ENDOV: variants seen among roughly 807,000 people sequenced by gnomAD.
ENDOV encodes endonuclease V, also known as hEndoV.
ENDOV carries 37 observed loss-of-function variants against 39.4 expected under a neutral mutation model. That is an observed-to-expected ratio of 0.94 (90% CI 0.72 to 1.23). The LOEUF (loss-of-function observed/expected upper bound fraction) is 1.23. Among genes scored for constraint, ENDOV ranks in the 50% most tolerant of loss-of-function variants. The pLI, the probability that ENDOV is intolerant of heterozygous loss-of-function variation, is 0.00. For missense variants in ENDOV, 441 were observed against 375.7 expected, an observed-to-expected ratio of 1.17 and a Z score of -1.44; for synonymous variants, 186 against 163.4, an observed-to-expected ratio of 1.14 and a Z score of -1.05.
At chr17:80,433,282 A>G in intron 9 of ENDOV, 1 of 513,444 alleles carries the variant, frequency 1.9e-6, no homozygotes, top group Non-Finnish European at 3.9e-6. Flanking sequence ...CCACCAGGTG[A>G]AGTGTGTAAG....
chr17:80,419,071 G>T (rs542397314), intron 2 of ENDOV, among the ~76,000 whole-genome samples: 4 of 151,900 alleles, frequency 2.6e-5, no homozygotes, highest in Non-Finnish European at 4.4e-5. Context: ...TACTCGGGAG[G>T]CTGAGGCAGG....
intron 2 of ENDOV, chr17:80,417,322 C>T (rs2081342948): frequency 1.3e-5 from 2 of 152,274 alleles, no homozygotes; most frequent in African/African-American, 4.8e-5. Context: ...TGGCTAACTA[C>T]TACTCATCTC....
Position 80,429,775 on chromosome 17 carries a change from G to C in ENDOV, c.782G>C (p.Ser261Thr). The C allele has an allele frequency of 1.3e-6, 2 of 1,598,952 alleles. No homozygotes were observed. The highest frequency in any genetic ancestry group is 1.7e-6 in the Non-Finnish European group (2 of 1,175,558). ...CCCTTTCTCAATGTCATCACCAGGA[G>C]CCCGAAGGCGCAGAGGCCAGTGGCA... ...LGLPGPPTPR[S>T]PKAQRPVACP... Residue 261 changes from serine to threonine, a missense_variant and splice_region_variant, in exon 9 of 10, where the codon AGC becomes ACC. Coordinates refer to ENST00000518137, the MANE Select transcript of ENDOV (RefSeq NM_173627.5).
At position 80,415,835 on chromosome 17, in the gene ENDOV, A is replaced by G. The variant is rs1203268994; in HGVS notation, c.228+14A>G. On this transcript the variant is annotated intron_variant, in intron 2 of 9. Coordinates refer to ENST00000518137, the MANE Select transcript of ENDOV (RefSeq NM_173627.5). The stretch of plus-strand genomic sequence containing the variant: ...CCTGAGCTCGAGGTAACCTGGGAGG[A>G]CGCCGAGCTCGAGGCGGGCCCCTCG... 6.3e-7 allele frequency: 1 copy of G among 1,582,190 alleles called. No homozygotes were observed. The highest frequency in any genetic ancestry group is 8.6e-7 in the Non-Finnish European group (1 of 1,164,540).
chr17:80,431,317 C>G (rs898771053), intron 9 of ENDOV, among the ~76,000 whole-genome samples: 1 of 152,192 alleles, frequency 6.6e-6, no homozygotes, highest in African/African-American at 2.4e-5. Flanking sequence ...TCGAAAGCTG[C>G]TTTGGAGGGC....
intron 9 of ENDOV, among the ~76,000 whole-genome samples, chr17:80,431,431 C>T (rs1320162268): frequency 6.6e-6 from 1 of 152,188 alleles, no homozygotes; most frequent in Non-Finnish European, 1.5e-5. Context: ...GAAGTAGACT[C>T]ACTCCAGGAC....
intron 5 of ENDOV, among the ~76,000 whole-genome samples, chr17:80,424,687 G>C (rs1599392944): frequency 6.6e-6 from 1 of 152,348 alleles, no homozygotes; most frequent in South Asian, 2.1e-4. Context: ...CGGTTGCGGT[G>C]GCTCACTCCT....
chr17:80,432,855 C>T (rs184078391), intron 9 of ENDOV, among the ~76,000 whole-genome samples: 25 of 152,240 alleles, frequency 1.6e-4, no homozygotes, highest in Admixed American at 1.5e-3. Flanking sequence ...TTCCACCTCC[C>T]CGAGGGCACT....
chr17:80,427,527 G>A (rs895961773), intron 7 of ENDOV: 32 of 1,050,768 alleles, frequency 3.0e-5, no homozygotes, highest in Middle Eastern at 2.7e-4. Flanking sequence ...AAGGAAAGCC[G>A]CAACCAGTTG....
chr17:80,419,090 G>A (rs1031094322), intron 2 of ENDOV, among the ~76,000 whole-genome samples: 4 of 150,902 alleles, frequency 2.7e-5, no homozygotes, highest in South Asian at 2.1e-4. Flanking sequence ...GGAGAATGGC[G>A]TGAACCTGGG....
intron 5 of ENDOV, 129 bp downstream of exon 5, chr17:80,423,761 C>A: frequency 1.1e-6 from 1 of 877,274 alleles, no homozygotes; most frequent in Non-Finnish European, 1.7e-6. Context: ...TGGCTTGTGG[C>A]CTGGAGTAAG....
At position 80,421,814 on chromosome 17, in the gene ENDOV, G is replaced by T; in HGVS notation, c.229-14G>T. On this transcript the variant is annotated splice_polypyrimidine_tract_variant and intron_variant, in intron 2 of 9. Transcript: ENST00000518137. ...AAGGCTGTGCTTCCCACTGAGCTGCGTGCCTGGTGTCAGGTGGTGTATGAG... is the reference window on the plus strand; with the variant it reads ...AAGGCTGTGCTTCCCACTGAGCTGCTTGCCTGGTGTCAGGTGGTGTATGAG... The T allele has an allele frequency of 6.3e-7, 1 of 1,588,616 alleles. No individual in the cohort carries two copies.
At chr17:80,425,342 G>T in intron 6 of ENDOV, 150 bp from the exon 7 acceptor site, 1 of 1,213,904 alleles carries the variant, frequency 8.2e-7, no homozygotes, top group Non-Finnish European at 1.1e-6. Flanking sequence ...GCGCCCTGAG[G>T]GTGGGCAGGC....
intron 1 of ENDOV, 129 bp from the exon 2 acceptor site, chr17:80,415,521 A>C: frequency 1.6e-6 from 2 of 1,237,640 alleles, no homozygotes. Flanking sequence ...CCTCGGCGGT[A>C]TGTCCCTTGC....
intron 9 of ENDOV, among the ~76,000 whole-genome samples, 198 bp from the exon 10 acceptor site, chr17:80,435,935 T>A (rs1319151970): frequency 2.0e-5 from 3 of 152,064 alleles, no homozygotes; most frequent in Non-Finnish European, 4.4e-5. Flanking sequence ...AAGATTTTTT[T>A]GTAAAGACAG....
intron 7 of ENDOV, chr17:80,427,835 GC>G (rs1384392624): frequency 4.7e-6 from 6 of 1,284,448 alleles, no homozygotes; most frequent in Admixed American, 2.3e-5. Flanking sequence ...GCCAGGCTGG[GC>G]CGCTCCAGGG....
chr17:80,436,506 C>A lies in ENDOV; in HGVS notation c.*363C>A. On this transcript the variant is annotated 3_prime_UTR_variant, in exon 10 of 10. Coordinates refer to ENST00000518137, the MANE Select transcript of ENDOV (RefSeq NM_173627.5). ...AAAGGGTACTGGATTTTGTCAAATGCTTTTCTGGCCTCTATTGAAAAGATC... is the reference window on the plus strand; with the variant it reads ...AAAGGGTACTGGATTTTGTCAAATGATTTTCTGGCCTCTATTGAAAAGATC... The A allele has an allele frequency of 2.0e-6, 1 of 508,748 alleles. No homozygotes were observed. The highest frequency in any genetic ancestry group is 3.1e-6 in the Non-Finnish European group (1 of 324,006). The allele number at this position is 508,748 out of a possible 1,614,324, so 31.5% of individuals were successfully genotyped here.
intron 4 of ENDOV, 27 bp from the exon 5 acceptor site, chr17:80,423,492 CA>C (rs1279144620): frequency 2.0e-6 from 3 of 1,522,786 alleles, no homozygotes; most frequent in Non-Finnish European, 2.7e-6. Context: ...CCCACCTCCC[CA>C]ACCCCACCCT....
intron 2 of ENDOV, chr17:80,419,739 A>T (rs1344750694): frequency 1.4e-6 from 1 of 695,174 alleles, no homozygotes; most frequent in Non-Finnish European, 2.6e-6. Flanking sequence ...CCCTCTGGTC[A>T]TGCCCTCCGT....
Sources: allele counts gnomAD v4.1 joint callset (sites outside exome capture counted in the v4.1 genomes callset), GRCh38; gene constraint gnomAD v4.1.1; transcripts MANE v1.5; gene names NCBI Gene and HGNC (gene_info 2026-07-23, HGNC 2026-07-21).